The following LRRTM4 variants were observed in gnomAD, a reference collection of about 807,000 sequenced individuals.
LRRTM4 encodes the protein leucine rich repeat transmembrane neuronal 4.
A neutral mutation model predicts 47.6 loss-of-function variants in LRRTM4; 25 were observed. That is an observed-to-expected ratio of 0.53 (90% CI 0.38 to 0.73). The LOEUF is 0.73. Among genes scored for constraint, LRRTM4 ranks in the 30% least tolerant of loss-of-function variants. The pLI is 0.00. For missense variants in LRRTM4, 638 were observed against 713.4 expected (o/e 0.89, Z 1.20); for synonymous variants, 311 against 269.5 (o/e 1.15, Z -1.51).
intron 3 of LRRTM4, among the ~76,000 whole-genome samples, chr2:77,456,969 ATTAT>A: frequency 6.9e-6 from 1 of 144,404 alleles, no homozygotes; most frequent in East Asian, 2.0e-4. Flanking sequence ...ATTATATTAT[ATTAT>A]AAATGTATAT....
At chr2:77,181,390 A>C (rs1432421735) in intron 3 of LRRTM4, among the ~76,000 whole-genome samples, 2 of 152,270 alleles carry the variant, frequency 1.3e-5, no homozygotes, top group African/African-American at 4.8e-5. Context: ...AGCTACACAG[A>C]GCATTCCCAT....
chr2:77,224,696 A>C (rs939213229), intron 3 of LRRTM4, among the ~76,000 whole-genome samples: 3 of 152,126 alleles, frequency 2.0e-5, no homozygotes, highest in Non-Finnish European at 2.9e-5. Context: ...GGCAATCATT[A>C]AAAAGTCAGG....
intron 3 of LRRTM4, among the ~76,000 whole-genome samples, chr2:77,129,576 C>A (rs1446960946): frequency 6.6e-6 from 1 of 152,170 alleles, no homozygotes; most frequent in African/African-American, 2.4e-5. Flanking sequence ...TTGTTTATAT[C>A]AGTAAATGCA....
chr2:76,947,582 C>T (rs571522734), intron 3 of LRRTM4, among the ~76,000 whole-genome samples: 3 of 151,660 alleles, frequency 2.0e-5, no homozygotes, highest in African/African-American at 4.8e-5. Flanking sequence ...TAGGAATCAA[C>T]GTATAGACTA....
intron 3 of LRRTM4, among the ~76,000 whole-genome samples, chr2:77,348,635 A>AT (rs921008610): frequency 6.6e-6 from 1 of 150,580 alleles, no homozygotes; most frequent in African/African-American, 2.4e-5. Context: ...TGGAATTATG[A>AT]TTTTTTTAAA....
chr2:77,364,268 A>G (rs1033570915), intron 3 of LRRTM4, among the ~76,000 whole-genome samples: 3 of 152,118 alleles, frequency 2.0e-5, no homozygotes, highest in African/African-American at 7.2e-5. Flanking sequence ...TCCTCTGTAC[A>G]CATTTGTTTA....
intron 3 of LRRTM4, among the ~76,000 whole-genome samples, chr2:77,092,365 T>C (rs4404301): frequency 0.18 from 26,533 of 145,046 alleles, 2,400 homozygotes; most frequent in Middle Eastern, 0.28. Context: ...TTATTGATGG[T>C]GGTTCCACCA....
intron 3 of LRRTM4, among the ~76,000 whole-genome samples, chr2:77,083,184 G>A (rs1253726179): frequency 6.6e-6 from 1 of 152,050 alleles, no homozygotes; most frequent in Admixed American, 6.6e-5. Context: ...GCAGCATGGT[G>A]GAATTCCATG....
At chr2:76,775,454 T>A (rs1319437101) in intron 3 of LRRTM4, among the ~76,000 whole-genome samples, 2 of 152,130 alleles carry the variant, frequency 1.3e-5, no homozygotes, top group Non-Finnish European at 2.9e-5. Flanking sequence ...AGGGGCATTG[T>A]TCAATATCAA....
intron 3 of LRRTM4, among the ~76,000 whole-genome samples, chr2:76,760,534 C>CTGTCTGTATATGG (rs1673215658): frequency 6.6e-6 from 1 of 151,980 alleles, no homozygotes; most frequent in Non-Finnish European, 1.5e-5. Flanking sequence ...AGCACGTCTG[C>CTGTCTGTATATGG]TACTGCTACC....
intron 3 of LRRTM4, among the ~76,000 whole-genome samples, chr2:77,474,920 G>A (rs1007705248): frequency 1.3e-5 from 2 of 152,030 alleles, no homozygotes; most frequent in African/African-American, 2.4e-5. Flanking sequence ...CGACTGCCAG[G>A]CAGCATCACA....
At chr2:77,051,174 G>A (rs1406118524) in intron 3 of LRRTM4, among the ~76,000 whole-genome samples, 1 of 151,778 alleles carries the variant, frequency 6.6e-6, no homozygotes, top group Non-Finnish European at 1.5e-5. Context: ...CAAAGATCAG[G>A]GGTGCTGCTG....
chr2:76,763,692 A>G (rs1673347033), intron 3 of LRRTM4, among the ~76,000 whole-genome samples: 1 of 152,222 alleles, frequency 6.6e-6, no homozygotes, highest in African/African-American at 2.4e-5. Context: ...GATCTGGGTC[A>G]TGGGTAGAGG....
intron 3 of LRRTM4, among the ~76,000 whole-genome samples, chr2:77,341,296 C>T (rs1289657521): frequency 6.6e-6 from 1 of 151,912 alleles, no homozygotes; most frequent in African/African-American, 2.4e-5. Flanking sequence ...GCTCAGTACC[C>T]ATGAATGAAT....
intron 3 of LRRTM4, among the ~76,000 whole-genome samples, chr2:77,122,683 C>A (rs1326466119): frequency 6.6e-6 from 1 of 151,596 alleles, no homozygotes; most frequent in Non-Finnish European, 1.5e-5. Flanking sequence ...CTGCTATTCA[C>A]CATAAATTTT....
intron 3 of LRRTM4, among the ~76,000 whole-genome samples, chr2:77,487,922 A>G (rs759431832): frequency 6.6e-6 from 1 of 152,146 alleles, no homozygotes. Flanking sequence ...CTGTTGCTCA[A>G]TAAAGCACCT....
chr2:77,454,545 A>G (rs1389362073), intron 3 of LRRTM4, among the ~76,000 whole-genome samples: 1 of 152,170 alleles, frequency 6.6e-6, no homozygotes, highest in Non-Finnish European at 1.5e-5. Context: ...TGAACTCAAC[A>G]GACTCAGGTT....
intron 3 of LRRTM4, among the ~76,000 whole-genome samples, chr2:77,160,212 G>A (rs1672674778): frequency 1.3e-5 from 2 of 152,180 alleles, no homozygotes; most frequent in Non-Finnish European, 2.9e-5. Flanking sequence ...CCAACAGAAA[G>A]TTTTCATTTC....
chr2:76,887,117 G>T (rs1219290715), intron 3 of LRRTM4, among the ~76,000 whole-genome samples: 1 of 151,342 alleles, frequency 6.6e-6, no homozygotes, highest in African/African-American at 2.4e-5. Flanking sequence ...ACAAAATAAA[G>T]TGTAAATGAA....
Sources: allele counts gnomAD v4.1 joint callset (sites outside exome capture counted in the v4.1 genomes callset), GRCh38; gene constraint gnomAD v4.1.1; transcripts MANE v1.5; gene names NCBI Gene and HGNC (gene_info 2026-07-23, HGNC 2026-07-21).